Variants in ASPRV1 observed in about 807,000 individuals in gnomAD.
ASPRV1 encodes the protein retroviral-like aspartic protease 1.
In ASPRV1, 7 loss-of-function variants were observed where a neutral mutation model predicts 11.0. The observed-to-expected ratio is 0.64, with a 90% CI of 0.36 to 1.20. The LOEUF (loss-of-function observed/expected upper bound fraction) is 1.20, where lower values mean the gene tolerates loss of function less well. Ranked by LOEUF, ASPRV1 falls within the 50% of genes most tolerant of loss-of-function variation. ASPRV1 has a pLI of 0.02. For missense variants in ASPRV1, 299 were observed against 320.0 expected (o/e 0.93, Z 0.50); for synonymous variants, 136 against 138.4 (o/e 0.98, Z 0.12).
chr2:70,005,546 T>G, the ASPRV1 span, among the ~76,000 whole-genome samples: 1 of 152,356 alleles, frequency 6.6e-6, no homozygotes, highest in Middle Eastern at 3.4e-3. Context: ...TCCAGTTCCT[T>G]CTTGTCAGCT....
chr2:70,020,522 C>G, the ASPRV1 span, among the ~76,000 whole-genome samples: 9,020 of 152,206 alleles, frequency 0.059, 343 homozygotes, highest in East Asian at 0.2. Flanking sequence ...GTGGGCAGAT[C>G]ATCCGAGGTC....
the ASPRV1 span, among the ~76,000 whole-genome samples, chr2:69,998,867 G>C: frequency 6.6e-6 from 1 of 152,178 alleles, no homozygotes; most frequent in South Asian, 2.1e-4. Context: ...CAGGGCTCCG[G>C]GCATGACTGA....
chr2:69,945,680 G>A, the ASPRV1 span, among the ~76,000 whole-genome samples: 2 of 152,206 alleles, frequency 1.3e-5, no homozygotes, highest in South Asian at 4.1e-4. Flanking sequence ...CGTGTCTGGT[G>A]AAGGCAGGCT....
the ASPRV1 span, among the ~76,000 whole-genome samples, chr2:69,933,087 TACTC>T: frequency 6.7e-6 from 1 of 149,438 alleles, no homozygotes; most frequent in South Asian, 2.1e-4. Context: ...TAATCCCAGA[TACTC>T]AGGAGGCTGA....
chr2:69,951,442 A>AGTGAGTGTGT, the ASPRV1 span, among the ~76,000 whole-genome samples: 2 of 103,906 alleles, frequency 1.9e-5, no homozygotes, highest in Non-Finnish European at 3.7e-5. Flanking sequence ...AAAAAAAAAA[A>AGTGAGTGTGT]GTGAGTGTGT....
chr2:70,012,485 G>C, the ASPRV1 span, among the ~76,000 whole-genome samples: 12 of 152,002 alleles, frequency 7.9e-5, no homozygotes, highest in African/African-American at 1.2e-4. Flanking sequence ...ATAATACCAA[G>C]AGTTTTTCTG....
the ASPRV1 span, among the ~76,000 whole-genome samples, chr2:69,969,620 C>A: frequency 3.3e-5 from 5 of 152,094 alleles, no homozygotes; most frequent in African/African-American, 9.7e-5. Flanking sequence ...GCCAGGGACA[C>A]CCCTCTCTGC....
At chr2:70,047,413 G>T in the ASPRV1 span, among the ~76,000 whole-genome samples, 2 of 152,192 alleles carry the variant, frequency 1.3e-5, no homozygotes, top group Non-Finnish European at 2.9e-5. Context: ...ATTCATCAAT[G>T]TAAGTGCCCT....
chr2:69,963,468 C>T, upstream of ASPRV1: 1 of 456,370 alleles, frequency 2.2e-6, no homozygotes, highest in Non-Finnish European at 4.4e-6. Flanking sequence ...TTCCTGATTC[C>T]CTGGTATTCA....
At chr2:69,987,383 C>T in the ASPRV1 span, among the ~76,000 whole-genome samples, 2 of 151,962 alleles carry the variant, frequency 1.3e-5, no homozygotes, top group African/African-American at 2.4e-5. Flanking sequence ...TGGCCCCTGA[C>T]ACTTCAGTCC....
the ASPRV1 span, among the ~76,000 whole-genome samples, chr2:70,036,932 C>A: frequency 6.6e-6 from 1 of 152,208 alleles, no homozygotes; most frequent in African/African-American, 2.4e-5. Context: ...TGAGACCACA[C>A]ACTCCTCTCC....
chr2:70,014,331 C>A, the ASPRV1 span, among the ~76,000 whole-genome samples: 6 of 152,020 alleles, frequency 3.9e-5, no homozygotes, highest in Non-Finnish European at 7.4e-5. Flanking sequence ...AAAAACCAAA[C>A]AACCCCATTC....
At chr2:70,044,129 TC>T in the ASPRV1 span, among the ~76,000 whole-genome samples, 5,703 of 152,158 alleles carry the variant, frequency 0.037, 362 homozygotes, top group African/African-American at 0.13. Context: ...CATTCATACT[TC>T]CAGTTAACAT....
At chr2:69,946,936 C>CAG in the ASPRV1 span, among the ~76,000 whole-genome samples, 11 of 152,150 alleles carry the variant, frequency 7.2e-5, no homozygotes, top group East Asian at 3.8e-4. Flanking sequence ...AGAGGTGGCT[C>CAG]AGAGAGAGAG....
the ASPRV1 span, among the ~76,000 whole-genome samples, chr2:69,981,488 C>T: frequency 6.6e-6 from 1 of 152,296 alleles, no homozygotes; most frequent in Admixed American, 6.5e-5. Context: ...ATAGTTTCTT[C>T]TAAATGCATT....
the ASPRV1 span, chr2:69,938,863 T>C: frequency 1.3e-5 from 2 of 152,946 alleles, no homozygotes; most frequent in Non-Finnish European, 2.9e-5. Context: ...ACGCGCCGCG[T>C]GTGGATGGGA....
the ASPRV1 span, among the ~76,000 whole-genome samples, chr2:69,972,011 G>A: frequency 6.6e-6 from 1 of 152,064 alleles, no homozygotes; most frequent in Non-Finnish European, 1.5e-5. Flanking sequence ...GGTTACACTC[G>A]ACCCTCTTGC....
At chr2:70,025,507 A>G in the ASPRV1 span, among the ~76,000 whole-genome samples, 1 of 152,176 alleles carries the variant, frequency 6.6e-6, no homozygotes, top group Non-Finnish European at 1.5e-5. Context: ...TCAAGTTCTG[A>G]TGTCTCCTTA....
At chr2:70,046,614 G>A in the ASPRV1 span, 5 of 152,154 alleles carry the variant, frequency 3.3e-5, no homozygotes, top group African/African-American at 1.2e-4. Flanking sequence ...CAAGACCCTA[G>A]GAAGCCAAGG....
Sources: allele counts gnomAD v4.1 joint callset (sites outside exome capture counted in the v4.1 genomes callset), GRCh38; gene constraint gnomAD v4.1.1; transcripts MANE v1.5; gene names NCBI Gene and HGNC (gene_info 2026-07-23, HGNC 2026-07-21).